Variants in TNFRSF19 observed in about 807,000 individuals in gnomAD.
TNFRSF19 encodes the protein tumor necrosis factor receptor superfamily member 19.
In TNFRSF19, 27 loss-of-function variants were observed where a neutral mutation model predicts 46.4. The ratio of observed to expected loss-of-function variants is 0.58; its 90% CI spans 0.43 to 0.80. The LOEUF (loss-of-function observed/expected upper bound fraction) is 0.80. Ranked by LOEUF, TNFRSF19 falls within the 30% of genes least tolerant of loss-of-function variation. The pLI, the probability that TNFRSF19 is intolerant of heterozygous loss-of-function variation, is 0.00. For synonymous variants in TNFRSF19, 204 were observed against 205.0 expected (o/e 1.00, Z 0.04); for missense variants, 511 against 530.8 (o/e 0.96, Z 0.37).
intron 5 of TNFRSF19, among the ~76,000 whole-genome samples, chr13:23,643,042 T>C (rs926435159): frequency 9.9e-5 from 15 of 152,268 alleles, no homozygotes; most frequent in African/African-American, 3.6e-4. Context: ...CTATTCTTTG[T>C]AATTAATTGT....
chr13:23,597,634 CCAGATGGATTCACAG>C (rs1879832572), intron 3 of TNFRSF19, among the ~76,000 whole-genome samples: 1 of 152,094 alleles, frequency 6.6e-6, no homozygotes, highest in Non-Finnish European at 1.5e-5. Context: ...AAGCTCAGGA[CCAGATGGATTCACAG>C]CCGAATTCTA....
intron 4 of TNFRSF19, among the ~76,000 whole-genome samples, chr13:23,619,474 T>C (rs1180607621): frequency 6.6e-6 from 1 of 151,834 alleles, no homozygotes; most frequent in East Asian, 1.9e-4. Flanking sequence ...TGTACAACTC[T>C]GTGAATGTAT....
rs1882622228 is a variant in TNFRSF19 at position 23,635,515 on chromosome 13, A to T, written c.445+8723A>T. 2.0e-5 allele frequency among the ~76,000 whole-genome samples: 3 copies of T among 152,176 alleles called. No individual in the cohort carries two copies. The South Asian group carries it at 6.2e-4, about 32-fold the overall frequency. On this transcript the variant is annotated intron_variant, in intron 5 of 9. Transcript: ENST00000248484. ...TGCCTCAGCCTCCCAGGTAGCTGGG[A>T]TTACAGGTGTGTGCCACCATGCCCG...
At chr13:23,657,103 G>T (rs1158035338) in intron 5 of TNFRSF19, among the ~76,000 whole-genome samples, 3 of 152,156 alleles carry the variant, frequency 2.0e-5, no homozygotes, top group African/African-American at 7.2e-5. Context: ...CCTTTAAAAT[G>T]TATGATTGGA....
At chr13:23,660,036 A>C (rs1884255324) in intron 6 of TNFRSF19, among the ~76,000 whole-genome samples, 1 of 152,082 alleles carries the variant, frequency 6.6e-6, no homozygotes, top group Non-Finnish European at 1.5e-5. Flanking sequence ...TCTGTGTATA[A>C]GTGACCTGCG....
intron 5 of TNFRSF19, among the ~76,000 whole-genome samples, chr13:23,641,628 G>T (rs1236911723): frequency 6.6e-6 from 1 of 152,194 alleles, no homozygotes; most frequent in Admixed American, 6.5e-5. Flanking sequence ...ACCGTGCCTG[G>T]CCAGGATTTT....
intron 5 of TNFRSF19, among the ~76,000 whole-genome samples, chr13:23,632,387 A>G (rs145282240): frequency 4.5e-4 from 69 of 152,350 alleles, no homozygotes; most frequent in African/African-American, 1.6e-3. Context: ...CTTTCAGGGC[A>G]GGGAATAGGA....
chr13:23,633,007 G>T (rs577558085), intron 5 of TNFRSF19, among the ~76,000 whole-genome samples: 1 of 152,088 alleles, frequency 6.6e-6, no homozygotes, highest in African/African-American at 2.4e-5. Context: ...ACTGACCCCT[G>T]AGGTTTTCTC....
chr13:23,668,707 C>CG lies in TNFRSF19; in HGVS notation c.859dup (p.Glu287GlyfsTer32). On this transcript the variant is annotated frameshift_variant, in exon 9 of 10. Transcript: ENST00000248484. LOFTEE classifies it high-confidence loss of function. ...GTGTGTGCAGAAACGCAGGCCCAGC[C>CG]GGGGAGATGGTGCCGACTTTCTTCG... 6.2e-7 allele frequency: 1 copy of CG among 1,613,408 alleles called. No homozygotes were observed. Among genetic ancestry groups the CG allele is most frequent in the Non-Finnish European group, 8.5e-7 (1 of 1,179,594 alleles).
At chr13:23,605,667 G>A (rs1049428189) in intron 3 of TNFRSF19, among the ~76,000 whole-genome samples, 1 of 152,096 alleles carries the variant, frequency 6.6e-6, no homozygotes, top group Non-Finnish European at 1.5e-5. Flanking sequence ...AAGACATAGA[G>A]GACCTTAAAT....
chr13:23,652,974 CAA>C (rs1342685299), intron 5 of TNFRSF19, among the ~76,000 whole-genome samples: 1 of 152,202 alleles, frequency 6.6e-6, no homozygotes, highest in African/African-American at 2.4e-5. Context: ...GCTGCTGTAA[CAA>C]AGAGACCCAG....
At chr13:23,597,859 G>A (rs1420891689) in intron 3 of TNFRSF19, among the ~76,000 whole-genome samples, 1 of 152,124 alleles carries the variant, frequency 6.6e-6, no homozygotes, top group East Asian at 1.9e-4. Flanking sequence ...TAAAATACTG[G>A]CAAACTGAAT....
intron 9 of TNFRSF19, among the ~76,000 whole-genome samples, chr13:23,671,963 G>C (rs936743735): frequency 6.6e-6 from 1 of 152,212 alleles, no homozygotes; most frequent in Non-Finnish European, 1.5e-5. Context: ...TGTTCAATTA[G>C]CTTGGCTCCA....
intron 3 of TNFRSF19, among the ~76,000 whole-genome samples, chr13:23,600,356 A>G (rs1396066028): frequency 6.6e-6 from 1 of 152,162 alleles, no homozygotes; most frequent in Non-Finnish European, 1.5e-5. Context: ...AGCCAGCACC[A>G]GGGTGGGAAA....
At chr13:23,645,719 C>T (rs1258968467) in intron 5 of TNFRSF19, among the ~76,000 whole-genome samples, 1 of 152,172 alleles carries the variant, frequency 6.6e-6, no homozygotes, top group African/African-American at 2.4e-5. Context: ...TCTGATCAGT[C>T]CCTGGCTTTG....
chr13:23,670,861 A>G (rs907795372), intron 9 of TNFRSF19, among the ~76,000 whole-genome samples: 2 of 152,210 alleles, frequency 1.3e-5, no homozygotes, highest in Non-Finnish European at 1.5e-5. Context: ...TTGTTAGGAG[A>G]TCATCTGAAG....
intron 3 of TNFRSF19, among the ~76,000 whole-genome samples, chr13:23,615,316 T>A (rs933511403): frequency 2.0e-5 from 3 of 152,198 alleles, no homozygotes; most frequent in African/African-American, 2.4e-5. Context: ...GAAGTTAACA[T>A]CCTTTTAACA....
intron 5 of TNFRSF19, among the ~76,000 whole-genome samples, chr13:23,641,168 ATCT>A (rs766849210): frequency 6.6e-6 from 1 of 152,218 alleles, no homozygotes; most frequent in African/African-American, 2.4e-5. Flanking sequence ...TTTAAGAAAA[ATCT>A]TCTAAATTCA....
At chr13:23,608,829 A>C (rs900840842) in intron 3 of TNFRSF19, among the ~76,000 whole-genome samples, 8 of 152,234 alleles carry the variant, frequency 5.3e-5, no homozygotes, top group South Asian at 4.1e-4. Context: ...AGATACCAGA[A>C]TCATATTGAC....
Sources: gnomAD v4.1 joint callset for allele counts (sites outside exome capture counted in the v4.1 genomes callset) on GRCh38, gnomAD v4.1.1 for gene constraint, MANE v1.5 for transcripts, NCBI Gene and HGNC (gene_info 2026-07-23, HGNC 2026-07-21) for gene names.